The following LENG8 variants were observed in gnomAD, a reference collection of about 807,000 sequenced individuals.
LENG8 encodes leukocyte receptor cluster (LRC) member 8.
In LENG8, 28 loss-of-function variants were observed where a neutral mutation model predicts 102.1. The ratio of observed to expected loss-of-function variants is 0.27; its 90% CI spans 0.20 to 0.38. The LOEUF (loss-of-function observed/expected upper bound fraction) is 0.38, where lower values mean the gene tolerates loss of function less well. Ranked by LOEUF, LENG8 falls within the 10% of genes least tolerant of loss-of-function variation. The pLI is 1.00. For missense variants in LENG8, 1,022 were observed against 1,113.9 expected (o/e 0.92, Z 1.17); for synonymous variants, 531 against 456.7 (o/e 1.16, Z -2.07).
At chr19:54,458,791 G>T in intron 15 of LENG8, 1 of 1,551,096 alleles carries the variant, frequency 6.4e-7, no homozygotes, top group Non-Finnish European at 8.7e-7. Flanking sequence ...CCCCATCTGT[G>T]TGTCTCTTCC....
intron 1 of LENG8, among the ~76,000 whole-genome samples, chr19:54,450,240 C>G (rs890015410): frequency 1.3e-5 from 2 of 152,178 alleles, no homozygotes; most frequent in South Asian, 4.1e-4. Flanking sequence ...GGGAACCTCC[C>G]GTGGAAGCAG....
chr19:54,458,261 A>T (rs778370557), intron 14 of LENG8, 29 bp downstream of exon 14: 1 of 1,613,906 alleles, frequency 6.2e-7, no homozygotes. Flanking sequence ...GACAGAGGCC[A>T]TGGTACCCAG....
chr19:54,461,540 C>CGCCG lies in LENG8; in HGVS notation c.*618_*621dup. Reference sequence around the variant, plus strand: ...CCGCCGCCACACCGCACTGAGGACACGCCGGCCGGGCCGCCTCGTCTCAAG... The same window carrying CGCCG: ...CCGCCGCCACACCGCACTGAGGACACGCCGGCCGGCCGGGCCGCCTCGTCTCAAG... On this transcript the variant is annotated 3_prime_UTR_variant, in exon 16 of 16. Coordinates refer to ENST00000326764, the MANE Select transcript of LENG8 (RefSeq NM_052925.4). 1 of 471,628 alleles carries CGCCG rather than the reference C, an allele frequency of 2.1e-6. No individual in the cohort carries two copies. The highest frequency in any genetic ancestry group is 1.5e-5 in the South Asian group (1 of 64,550). 29.2% of individuals were successfully genotyped at this position (471,628 alleles called of 1,614,324 possible). A position where few individuals can be genotyped will look rare whatever the true frequency, so the allele number is the denominator to read the frequency against.
At chr19:54,451,790 T>C (rs990270205) in intron 2 of LENG8, among the ~76,000 whole-genome samples, 6 of 152,148 alleles carry the variant, frequency 3.9e-5, no homozygotes, top group Non-Finnish European at 8.8e-5. Context: ...GACATAGCCC[T>C]AGGAGGTGCC....
chr19:54,458,708 C>A (rs1382623985), intron 15 of LENG8, 187 bp downstream of exon 15: 2 of 1,551,432 alleles, frequency 1.3e-6, no homozygotes, highest in Non-Finnish European at 8.7e-7. Flanking sequence ...TTGTTGGTCA[C>A]CTCTGTGTTC....
At position 54,458,175 on chromosome 19, in the gene LENG8, G is replaced by C; in HGVS notation, c.1975G>C (p.Val659Leu). 1 of 1,614,220 alleles carries C rather than the reference G, an allele frequency of 6.2e-7. No individual in the cohort carries two copies. Among genetic ancestry groups the C allele is most frequent in the Admixed American group, 1.7e-5 (1 of 60,034 alleles). ...SLYAENLPGN[V>L]GEFTAYRILY... Reference sequence around the variant, plus strand: ...GTACGCCGAGAACTTGCCTGGCAATGTGGGCGAGTTTACTGCCTACCGAAT... The same window carrying C: ...GTACGCCGAGAACTTGCCTGGCAATCTGGGCGAGTTTACTGCCTACCGAAT... The change falls in exon 14 of 16, where the codon GTG becomes CTG. Residue 659 changes from valine (V) to leucine (L), a missense_variant. Val to Leu is a conservative substitution (Grantham distance 32, BLOSUM62 1). Coordinates refer to ENST00000326764, the MANE Select transcript of LENG8 (RefSeq NM_052925.4).
chr19:54,455,912 C>T, intron 8 of LENG8, 55 bp from the exon 9 acceptor site: 2 of 1,553,152 alleles, frequency 1.3e-6, no homozygotes, highest in African/African-American at 1.4e-5. Flanking sequence ...GTGGTGGCGG[C>T]TGTCCTGCCA....
intron 15 of LENG8, chr19:54,459,694 C>G (rs1429260173): frequency 9.8e-7 from 1 of 1,025,436 alleles, no homozygotes; most frequent in Non-Finnish European, 1.2e-6. Context: ...GACTGTCAGC[C>G]TGGAGGTTTG....
At chr19:54,453,766 C>T in intron 5 of LENG8, 110 bp downstream of exon 5, 1 of 726,546 alleles carries the variant, frequency 1.4e-6, no homozygotes, top group South Asian at 1.7e-5. Flanking sequence ...TTTTTTCCTT[C>T]CAAGCAACTC....
rs750420923 is a variant in LENG8, at chr19:54,460,744, C to T, written c.2241-22C>T. ...GCCCTCCCGCCCGCCCGCCTCATCA[C>T]CTTCTCCTCTTGTCTCCATAGCTTC... On this transcript the variant is annotated intron_variant, in intron 15 of 15. Transcript: ENST00000326764. The T allele has an allele frequency of 1.4e-4, 96 of 687,624 alleles. No homozygotes were observed. In the East Asian group the frequency reaches 3.9e-3, roughly 28 times the overall value. 42.6% of individuals were successfully genotyped at this position (687,624 alleles called of 1,614,324 possible).
rs2084353226 is a variant in LENG8, at chr19:54,458,227, C to T, written c.2027C>T (p.Ser676Leu). The change falls in exon 14 of 16, where the codon TCG (serine) becomes TTG (leucine). Residue 676 changes from serine (S) to leucine (L), a missense_variant. Ser to Leu is a moderately radical substitution (Grantham distance 145). Around this residue, in one of 7 missense-constraint regions of LENG8, gnomAD observed 158 missense variants for 229.0 expected, o/e 0.69. Transcript: ENST00000326764. The part of the protein sequence containing the change: ...RILYYIFTKN[S>L]GDITTELAYL... ...CTCTACTACATCTTCACCAAGAACT[C>T]GGGAGGTGAGGCCCAGTCCCCAGGA... 1 of 1,614,230 alleles carries T rather than the reference C, an allele frequency of 6.2e-7. No individual in the cohort carries two copies. The highest frequency in any genetic ancestry group is 1.3e-5 in the African/African-American group (1 of 75,066).
intron 15 of LENG8, chr19:54,459,774 C>G: frequency 9.1e-7 from 1 of 1,093,434 alleles, no homozygotes; most frequent in African/African-American, 1.6e-5. Context: ...GTAGGAGTCA[C>G]AGGAGCAGAC....
intron 2 of LENG8, 148 bp from the exon 3 acceptor site, chr19:54,451,945 T>A: frequency 1.5e-6 from 1 of 646,012 alleles, no homozygotes. Context: ...AGAAACCCTT[T>A]ATCAGCATAG....
chr19:54,451,640 A>C (rs1275066536), intron 2 of LENG8, among the ~76,000 whole-genome samples: 1 of 152,202 alleles, frequency 6.6e-6, no homozygotes, highest in Admixed American at 6.5e-5. Flanking sequence ...CATTCAAGCA[A>C]GTGTAATTAG....
At chr19:54,453,253 C>G (rs1442560692) in intron 4 of LENG8, among the ~76,000 whole-genome samples, 2 of 152,194 alleles carry the variant, frequency 1.3e-5, no homozygotes, top group Admixed American at 6.5e-5. Flanking sequence ...ACATGTAATT[C>G]CAGCACAAGC....
intron 15 of LENG8, chr19:54,458,942 G>T: frequency 6.6e-7 from 1 of 1,507,246 alleles, no homozygotes; most frequent in Non-Finnish European, 8.9e-7. Context: ...ACCAGGACAA[G>T]GCCCAGTCCC....
chr19:54,453,497 C>T (rs375663891), intron 4 of LENG8, 49 bp from the exon 5 acceptor site: 20 of 1,285,606 alleles, frequency 1.6e-5, no homozygotes, highest in African/African-American at 1.2e-4. Context: ...GCTGGGGAAG[C>T]GGAAAGGGTA....
Position 54,461,930 on chromosome 19 carries a change from CT to C in LENG8, c.*1006del. ...CCTCCCCTTCCCCTCCTCTCCCCTC[CT>C]TTTCCTTCCTTCCTTCCTTTCCTTG... is the stretch of plus-strand genomic sequence containing the variant. On this transcript the variant is annotated 3_prime_UTR_variant, in exon 16 of 16. Coordinates refer to ENST00000326764, the MANE Select transcript of LENG8 (RefSeq NM_052925.4). 1.0e-6 allele frequency: 1 copy of C among 965,344 alleles called. No homozygotes were observed. Among genetic ancestry groups the C allele is most frequent in the Admixed American group, 1.7e-5 (1 of 58,148 alleles). 59.8% of individuals were successfully genotyped at this position (965,344 alleles called of 1,614,324 possible). A position where few individuals can be genotyped will look rare whatever the true frequency, so the allele number is the denominator to read the frequency against.
At position 54,458,372 on chromosome 19, in the gene LENG8, C is replaced by T. The variant is rs1389779906; in HGVS notation, c.2091C>T (p.Ala697=). 6.8e-6 allele frequency: 11 copies of T among 1,614,088 alleles called. No individual in the cohort carries two copies. The highest frequency in any genetic ancestry group is 6.7e-5 in the Admixed American group (4 of 60,016). Residue 697 remains alanine (A), a synonymous_variant, in exon 15 of 16, where the codon GCC becomes GCT. Transcript: ENST00000326764. ...TRELKADPCV[A]HALALRTAWA... ...AACTGAAGGCAGATCCTTGCGTGGC[C>T]CACGCCTTGGCATTAAGGACAGCCT...
Sources: allele counts gnomAD v4.1 joint callset (sites outside exome capture counted in the v4.1 genomes callset), GRCh38; gene constraint gnomAD v4.1.1; regional missense constraint gnomAD v4.1.1; transcripts MANE v1.5; gene names NCBI Gene and HGNC (gene_info 2026-07-23, HGNC 2026-07-21).